Variants in CACNG6 observed in about 807,000 individuals in gnomAD.
CACNG6 encodes voltage-dependent calcium channel gamma-6 subunit.
A neutral mutation model predicts 23.9 loss-of-function variants in CACNG6; 21 were observed. That is an observed-to-expected ratio of 0.88 (90% CI 0.62 to 1.26). The LOEUF (loss-of-function observed/expected upper bound fraction) is 1.26, where lower values mean the gene tolerates loss of function less well. Ranked by LOEUF, CACNG6 falls within the 50% of genes most tolerant of loss-of-function variation. The pLI, the probability that CACNG6 is intolerant of heterozygous loss-of-function variation, is 0.00. For missense variants in CACNG6, 340 were observed against 352.9 expected, an observed-to-expected ratio of 0.96 and a Z score of 0.29; for synonymous variants, 182 against 168.9, an observed-to-expected ratio of 1.08 and a Z score of -0.60.
intron 3 of CACNG6, among the ~76,000 whole-genome samples, chr19:54,010,040 C>CT (rs34229634): frequency 0.6 from 74,626 of 125,168 alleles, 22,884 homozygotes; most frequent in East Asian, 0.81. Context: ...TCTTTTCTTT[C>CT]TTTTTTTTTT....
At chr19:54,000,096 T>C (rs1220878427) in intron 3 of CACNG6, among the ~76,000 whole-genome samples, 1 of 152,090 alleles carries the variant, frequency 6.6e-6, no homozygotes, top group South Asian at 2.1e-4. Context: ...CCAAACATTG[T>C]TTTAGATTTG....
chr19:54,009,312 T>C (rs2069679184), intron 3 of CACNG6, among the ~76,000 whole-genome samples: 1 of 151,840 alleles, frequency 6.6e-6, no homozygotes, highest in African/African-American at 2.4e-5. Context: ...TCCCAGCTAC[T>C]CAGGAGGCTG....
At chr19:54,003,618 C>G (rs2069603254) in intron 3 of CACNG6, among the ~76,000 whole-genome samples, 1 of 152,140 alleles carries the variant, frequency 6.6e-6, no homozygotes, top group Non-Finnish European at 1.5e-5. Flanking sequence ...GCCTTGGCCT[C>G]CGAAAGTGCT....
intron 1 of CACNG6, among the ~76,000 whole-genome samples, chr19:53,995,508 A>T (rs1490142471): frequency 6.6e-6 from 1 of 152,106 alleles, no homozygotes; most frequent in East Asian, 1.9e-4. Context: ...TCGAATTGGG[A>T]TGTGCTAAAC....
rs1159339881 is a variant in CACNG6, at chr19:54,004,343, G to T, written c.544+4572G>T. Among the ~76,000 whole-genome samples the T allele has an allele frequency of 7.7e-4, 28 of 36,350 alleles. No individual in the cohort carries two copies. In the East Asian group the frequency reaches 7.9e-3, roughly 10 times the overall value. 23.8% of individuals were successfully genotyped at this position (36,350 alleles called of 152,430 possible). ...TGGTTAATTTTGTATTTTTGTGTGT[G>T]TGTGTGTGTGTGTGTGTGTGTGTGT... On this transcript the variant is annotated intron_variant, in intron 3 of 3. Transcript: ENST00000252729.
At chr19:54,008,977 A>C (rs928226592) in intron 3 of CACNG6, among the ~76,000 whole-genome samples, 2 of 152,228 alleles carry the variant, frequency 1.3e-5, no homozygotes, top group African/African-American at 4.8e-5. Context: ...GAGAATTCCC[A>C]TAAAAATAAT....
At chr19:54,000,182 G>A (rs1011198774) in intron 3 of CACNG6, among the ~76,000 whole-genome samples, 1 of 152,206 alleles carries the variant, frequency 6.6e-6, no homozygotes, top group African/African-American at 2.4e-5. Flanking sequence ...TCAAAAATTG[G>A]AGAGTTCTAA....
intron 2 of CACNG6, among the ~76,000 whole-genome samples, 187 bp downstream of exon 2, chr19:53,998,500 T>G (rs1255991514): frequency 7.1e-6 from 1 of 141,598 alleles, no homozygotes; most frequent in Non-Finnish European, 1.5e-5. Context: ...CTCTAGAGAA[T>G]CTAGAGAACT....
chr19:53,993,092 G>A lies in CACNG6; in HGVS notation c.215G>A (p.Gly72Asp), dbSNP rs1256925959. ...GAGCTCAACACCTACAAGGCCAACG[G>A]CAGCGCCGTGTGCGAAGCGGCCCAC... ...WVELNTYKAN[G>D]SAVCEAAHLG... The change falls in exon 1 of 4, where the codon GGC becomes GAC. Residue 72 changes from glycine to aspartate, a missense_variant. Physicochemically the swap from Gly to Asp is moderately conservative, Grantham distance 94. Transcript: ENST00000252729. 2 of 1,545,714 alleles carry A rather than the reference G, an allele frequency of 1.3e-6. No homozygotes were observed. Among genetic ancestry groups the A allele is most frequent in the Non-Finnish European group, 1.7e-6 (2 of 1,144,842 alleles).
rs986167134 is a variant in CACNG6, at chr19:53,992,232, C to G, written c.-646C>G. 1 of 152,240 alleles carries G rather than the reference C, an allele frequency of 6.6e-6. No homozygotes were observed. Among genetic ancestry groups the G allele is most frequent in the Non-Finnish European group, 1.5e-5 (1 of 68,072 alleles). 9.4% of individuals were successfully genotyped at this position (152,240 alleles called of 1,614,324 possible). A position where few individuals can be genotyped will look rare whatever the true frequency, so the allele number is the denominator to read the frequency against. ...TGAGACCCGGATTGAATTCCGACCT[C>G]CCCTTGGGAGCTTCCCGGGACCCCA... is the stretch of plus-strand genomic sequence containing the variant. On this transcript the variant is annotated 5_prime_UTR_variant, in exon 1 of 4. Transcript: ENST00000252729. This position sits in a 1 kb window ranked among gnomAD's most constrained non-coding sequence, Gnocchi z 4.1.
Position 53,999,756 on chromosome 19 carries a change from T to A in CACNG6, c.529T>A (p.Cys177Ser), listed in dbSNP as rs1342208430. Residue 177 changes from cysteine (C) to serine (S), a missense_variant, in exon 3 of 4, where the codon TGC becomes AGC. Coordinates refer to ENST00000252729, the MANE Select transcript of CACNG6 (RefSeq NM_145814.2). ...AEFLLRVGAV[C>S]FGLSGLLLLV... is the part of the protein sequence containing the mutation. ...GTTCCTGCTCCGAGTTGGAGCCGTC[T>A]GCTTTGGCCTCTCAGGTGAGGGTTC... 9 of 1,613,866 alleles carry A rather than the reference T, an allele frequency of 5.6e-6. No individual in the cohort carries two copies. In the Admixed American group the frequency reaches 8.3e-5, roughly 15 times the overall value.
chr19:54,000,771 G>A (rs185448579), intron 3 of CACNG6, among the ~76,000 whole-genome samples: 110 of 152,124 alleles, frequency 7.2e-4, no homozygotes, highest in African/African-American at 2.6e-3. Context: ...GTAGAGACAG[G>A]GTTTCACCAC....
intron 3 of CACNG6, among the ~76,000 whole-genome samples, chr19:54,000,954 T>C (rs2069569040): frequency 2.0e-5 from 3 of 152,066 alleles, no homozygotes; most frequent in Admixed American, 6.6e-5. Flanking sequence ...CAATCAATGA[T>C]GGCATGATGG....
intron 3 of CACNG6, among the ~76,000 whole-genome samples, chr19:54,006,852 T>C (rs1175390881): frequency 6.8e-6 from 1 of 148,140 alleles, no homozygotes; most frequent in Non-Finnish European, 1.5e-5. Context: ...TTTTATTTTG[T>C]TATTTTATTT....
rs1555819785 is a variant in CACNG6 at position 54,011,205 on chromosome 19, A to AATATATATAT, written c.545-732_545-723dup. Among the ~76,000 whole-genome samples, 143 of 102,448 alleles carry AATATATATAT rather than the reference A, an allele frequency of 1.4e-3. 9 individuals carry two copies. The highest frequency in any genetic ancestry group is 6.4e-3 in the African/African-American group (130 of 20,166). The allele number at this position is 102,448 out of a possible 152,430, so 67.2% of individuals were successfully genotyped here. On this transcript the variant is annotated intron_variant, in intron 3 of 3. Transcript: ENST00000252729. ...CCGTCTCTACTAAAAAAAAAAAAAA[A>AATATATATAT]ATATATATATATATATATATATACA...
intron 1 of CACNG6, among the ~76,000 whole-genome samples, chr19:53,996,033 C>T (rs983231597): frequency 6.6e-6 from 1 of 152,218 alleles, no homozygotes; most frequent in Non-Finnish European, 1.5e-5. Flanking sequence ...CATCTCACCC[C>T]TTCACCTCCC....
In CACNG6 at chr19:54,011,933, C is replaced by G. The variant is rs752418848; in HGVS notation, c.545-18C>G. On this transcript the variant is annotated intron_variant, in intron 3 of 3. Transcript: ENST00000252729. ...GGGGTCGCGGGCGTCTGACTGCGAG[C>G]TGTCCTCTCTCCCGCAGGCCTGCTG... is the stretch of plus-strand genomic sequence containing the variant. The G allele has an allele frequency of 6.9e-7, 1 of 1,452,572 alleles. No individual in the cohort carries two copies. Among genetic ancestry groups the G allele is most frequent in the Admixed American group, 2.6e-5 (1 of 38,708 alleles). 90.0% of individuals were successfully genotyped at this position (1,452,572 alleles called of 1,614,324 possible).
rs778136049 is a variant in CACNG6 at position 54,012,134 on chromosome 19, T to G, written c.728T>G (p.Leu243Arg). The G allele has an allele frequency of 1.9e-5, 30 of 1,543,524 alleles. No homozygotes were observed. Among genetic ancestry groups the G allele is most frequent in the Admixed American group, 6.0e-5 (3 of 50,060 alleles). The change falls in exon 4 of 4, where the codon CTG (leucine) becomes CGG (arginine). Residue 243 changes from leucine (L) to arginine (R), a missense_variant. Coordinates refer to ENST00000252729, the MANE Select transcript of CACNG6 (RefSeq NM_145814.2). ...GCCGGCTGCTTTCTGCTGCTCACAC[T>G]GCCTTCCTGGCCCTGGGGGTCCCTC... ...LGAGCFLLLT[L>R]PSWPWGSLCP...
chr19:53,995,750 C>T (rs2069514536), intron 1 of CACNG6, among the ~76,000 whole-genome samples: 1 of 152,232 alleles, frequency 6.6e-6, no homozygotes, highest in South Asian at 2.1e-4. Context: ...CAACCTCTGC[C>T]TCCAAGGTTC....
Sources: allele counts gnomAD v4.1 joint callset (sites outside exome capture counted in the v4.1 genomes callset), GRCh38; gene constraint gnomAD v4.1.1; non-coding constraint Gnocchi (gnomAD v3.1); transcripts MANE v1.5; gene names NCBI Gene and HGNC (gene_info 2026-07-23, HGNC 2026-07-21).